Variants in MYO3B observed in about 807,000 individuals in gnomAD.
MYO3B encodes myosin-IIIb.
In MYO3B, 156 loss-of-function variants were observed where a neutral mutation model predicts 174.6. The ratio of observed to expected loss-of-function variants is 0.89; its 90% CI spans 0.78 to 1.02. MYO3B has a LOEUF of 1.02. MYO3B is among the 50% of genes least tolerant of loss of function. MYO3B has a pLI of 0.00. For synonymous variants in MYO3B, 563 were observed against 569.1 expected (o/e 0.99, Z 0.15); for missense variants, 1,632 against 1,639.4 (o/e 1.00, Z 0.08).
At chr2:170,614,553 G>A (rs889938171) in intron 32 of MYO3B, among the ~76,000 whole-genome samples, 9 of 152,100 alleles carry the variant, frequency 5.9e-5, no homozygotes, top group South Asian at 2.1e-4. Flanking sequence ...CCTCTTTGCT[G>A]TGCTCTTAAC....
chr2:170,474,147 T>TA (rs74512055), intron 25 of MYO3B, among the ~76,000 whole-genome samples: 7,065 of 152,252 alleles, frequency 0.046, 275 homozygotes, highest in South Asian at 0.19. Context: ...GAGTTTCTGA[T>TA]AAGGAGCCAG....
intron 12 of MYO3B, 173 bp downstream of exon 12, chr2:170,383,987 C>A: frequency 1.8e-6 from 1 of 550,524 alleles, no homozygotes; most frequent in Non-Finnish European, 3.3e-6. Context: ...AAAGCCATAG[C>A]ATCGGGAGAA....
chr2:170,600,630 T>G (rs1694447660), intron 32 of MYO3B, among the ~76,000 whole-genome samples: 1 of 152,184 alleles, frequency 6.6e-6, no homozygotes, highest in South Asian at 2.1e-4. Context: ...GGAAAAGACA[T>G]CTATAGCCAG....
At chr2:170,519,171 T>C (rs1186284273) in intron 29 of MYO3B, among the ~76,000 whole-genome samples, 1 of 152,154 alleles carries the variant, frequency 6.6e-6, no homozygotes, top group Non-Finnish European at 1.5e-5. Flanking sequence ...CTCTAATCTG[T>C]GCACTCTTTA....
chr2:170,379,069 T>C (rs2094315322), intron 9 of MYO3B, among the ~76,000 whole-genome samples: 1 of 152,248 alleles, frequency 6.6e-6, no homozygotes, highest in Admixed American at 6.5e-5. Flanking sequence ...AGGTAATTTT[T>C]TAATTATTGA....
At chr2:170,230,336 AT>A (rs60171555) in intron 6 of MYO3B, among the ~76,000 whole-genome samples, 765 of 64,690 alleles carry the variant, frequency 0.012, 22 homozygotes, top group African/African-American at 0.048. Context: ...CGCCTGGCTA[AT>A]TTTTTTTTTT....
At chr2:170,530,787 T>A (rs747277147) in intron 30 of MYO3B, among the ~76,000 whole-genome samples, 12 of 152,164 alleles carry the variant, frequency 7.9e-5, no homozygotes, top group Admixed American at 2.6e-4. Context: ...CCTAAGCTCA[T>A]TCTCAGAATC....
intron 30 of MYO3B, 85 bp downstream of exon 30, chr2:170,519,625 C>A: frequency 8.9e-7 from 1 of 1,121,454 alleles, no homozygotes; most frequent in Non-Finnish European, 1.3e-6. Context: ...GATAATGCAA[C>A]AAGTATTTCT....
chr2:170,431,069 A>T (rs915953724), intron 22 of MYO3B, among the ~76,000 whole-genome samples: 3 of 152,214 alleles, frequency 2.0e-5, no homozygotes, highest in Non-Finnish European at 4.4e-5. Context: ...GTGCTGACAG[A>T]CATGTGTATG....
chr2:170,221,865 GCTT>G (rs975547174), intron 6 of MYO3B, among the ~76,000 whole-genome samples: 20 of 152,046 alleles, frequency 1.3e-4, no homozygotes, highest in Non-Finnish European at 2.8e-4. Context: ...AACATGCCTG[GCTT>G]AAGATCAGAA....
chr2:170,310,446 C>T (rs1036569963), intron 7 of MYO3B, among the ~76,000 whole-genome samples: 8 of 151,906 alleles, frequency 5.3e-5, no homozygotes, highest in East Asian at 3.9e-4. Flanking sequence ...GCGGATCACC[C>T]GAGGTCAGGA....
rs1368084199 is a variant in MYO3B, at chr2:170,198,095, G to T, written c.3-1113G>T. Among the ~76,000 whole-genome samples the T allele has an allele frequency of 3.6e-5, 5 of 140,252 alleles. No individual in the cohort carries two copies. In the East Asian group the frequency reaches 1.1e-3, roughly 30 times the overall value. 92.0% of individuals were successfully genotyped at this position (140,252 alleles called of 152,430 possible). On this transcript the variant is annotated intron_variant, in intron 1 of 34. Coordinates refer to ENST00000408978, the MANE Select transcript of MYO3B (RefSeq NM_138995.5). ...GTGAATGATCAGAAATTTATCAGGA[G>T]CACCTTTCTCCTTTGGGTTTTTTTT...
intron 30 of MYO3B, among the ~76,000 whole-genome samples, chr2:170,542,312 A>G (rs1690166133): frequency 6.6e-6 from 1 of 152,156 alleles, no homozygotes; most frequent in South Asian, 2.1e-4. Context: ...ATTTTTCCAA[A>G]CTTTGTTCCA....
chr2:170,604,245 C>T (rs116312980), intron 32 of MYO3B, among the ~76,000 whole-genome samples: 2,358 of 152,216 alleles, frequency 0.015, 35 homozygotes, highest in Middle Eastern at 0.044. Context: ...TAAATATGCT[C>T]ACATTTGAGG....
At chr2:170,210,620 A>G (rs1574583508) in intron 3 of MYO3B, among the ~76,000 whole-genome samples, 1 of 152,220 alleles carries the variant, frequency 6.6e-6, no homozygotes, top group African/African-American at 2.4e-5. Context: ...GGCAAGTTGA[A>G]AAGTTCTTAA....
rs147755141 is a variant in MYO3B at position 170,424,815 on chromosome 2, C to A, written c.2650+16971C>A. ...AATTTAGAGCCATTTGGTTTTATTT[C>A]TTTAATGATCCTGCTAAGTATAGAA... On this transcript the variant is annotated intron_variant, in intron 22 of 34. Transcript: ENST00000408978. Among the ~76,000 whole-genome samples, 298 of 152,178 alleles carry A rather than the reference C, an allele frequency of 2.0e-3. 1 individual carries two copies. Among genetic ancestry groups the A allele is most frequent in the African/African-American group, 7.0e-3 (291 of 41,526 alleles).
Position 170,404,227 on chromosome 2 carries a change from C to A in MYO3B, c.2278-20C>A. The stretch of plus-strand genomic sequence containing the variant: ...AGGCTAGTTTTGGGCTGGAGAGAAT[C>A]ACAATCCATTTCCCTCCAGATGGAA... On this transcript the variant is annotated intron_variant, in intron 19 of 34. Coordinates refer to ENST00000408978, the MANE Select transcript of MYO3B (RefSeq NM_138995.5). 2 of 1,581,784 alleles carry A rather than the reference C, an allele frequency of 1.3e-6. No homozygotes were observed. Among genetic ancestry groups the A allele is most frequent in the Admixed American group, 1.8e-5 (1 of 55,344 alleles).
At chr2:170,486,007 GGAGA>G (rs138105393) in intron 25 of MYO3B, among the ~76,000 whole-genome samples, 33 of 149,846 alleles carry the variant, frequency 2.2e-4, no homozygotes, top group Non-Finnish European at 4.3e-4. Context: ...AAAGAAAGAG[GGAGA>G]GAGAGAGAGA....
At chr2:170,519,670 G>C in intron 30 of MYO3B, 130 bp downstream of exon 30, 1 of 800,114 alleles carries the variant, frequency 1.2e-6, no homozygotes, top group Non-Finnish European at 2.0e-6. Flanking sequence ...GGAGAGAGTG[G>C]AACCAAAAAG....
Sources: allele counts gnomAD v4.1 joint callset (sites outside exome capture counted in the v4.1 genomes callset), GRCh38; gene constraint gnomAD v4.1.1; transcripts MANE v1.5; gene names NCBI Gene and HGNC (gene_info 2026-07-23, HGNC 2026-07-21).